C4orf51: variants seen among roughly 807,000 people sequenced by gnomAD.
C4orf51 encodes uncharacterized protein C4orf51.
Under a neutral mutation model 25.2 loss-of-function variants are expected in C4orf51, and 25 were observed. The observed-to-expected ratio is 0.99, with a 90% CI of 0.72 to 1.39. The LOEUF (loss-of-function observed/expected upper bound fraction) is 1.39. C4orf51 is among the 40% of genes most tolerant of loss of function. The pLI is 0.00. For synonymous variants in C4orf51, 100 were observed against 84.5 expected (o/e 1.18, Z -1.01); for missense variants, 252 against 239.6 (o/e 1.05, Z -0.34).
In C4orf51 at chr4:145,761,434, T is replaced by C. The variant is rs1427775685; in HGVS notation, n.167-9554T>C. 2 of 1,289,826 alleles carry C rather than the reference T, an allele frequency of 1.6e-6. No homozygotes were observed. Among genetic ancestry groups the C allele is most frequent in the South Asian group, 1.2e-5 (1 of 81,032 alleles). The allele number at this position is 1,289,826 out of a possible 1,614,324, so 79.9% of individuals were successfully genotyped here. On this transcript the variant is annotated intron_variant and non_coding_transcript_variant, in intron 1 of 1. Transcript: ENST00000510096. This position sits in a 1 kb window ranked among gnomAD's most constrained non-coding sequence, Gnocchi z 6.8. The stretch of plus-strand genomic sequence containing the variant: ...GGACAGGTAGCCGCACTGGTCGCAC[T>C]TGTAGTGGTTGCCCAGGCGGTGCTC...
In C4orf51 at chr4:145,765,242, C is replaced by T; in HGVS notation, n.167-5746C>T. ...GGGCAGGAGTGGAGCCAAGCTCCTC[C>T]CCACTTCCTCCCGCCTCCTCCGACG... is the stretch of plus-strand genomic sequence containing the variant. On this transcript the variant is annotated intron_variant and non_coding_transcript_variant, in intron 1 of 1. Coordinates refer to the C4orf51 transcript ENST00000510096. The surrounding 1 kb of genome is among the most constrained non-coding windows in gnomAD (Gnocchi z 4.7). 3 of 1,434,248 alleles carry T rather than the reference C, an allele frequency of 2.1e-6. No homozygotes were observed. Among genetic ancestry groups the T allele is most frequent in the Non-Finnish European group, 2.8e-6 (3 of 1,072,038 alleles). 88.8% of individuals were successfully genotyped at this position (1,434,248 alleles called of 1,614,324 possible). A position where few individuals can be genotyped will look rare whatever the true frequency, so the allele number is the denominator to read the frequency against.
chr4:145,779,096 A>T, the C4orf51 span, among the ~76,000 whole-genome samples: 2 of 152,216 alleles, frequency 1.3e-5, no homozygotes, highest in African/African-American at 2.4e-5. Context: ...GATGAACTCA[A>T]TACATTTTTT....
At chr4:145,690,405 T>C (rs1729473355) in intron 1 of C4orf51, among the ~76,000 whole-genome samples, 1 of 151,862 alleles carries the variant, frequency 6.6e-6, no homozygotes, top group Admixed American at 6.6e-5. Flanking sequence ...CTCGGGAGGC[T>C]GAGGCAGGAG....
At chr4:145,791,709 A>G in the C4orf51 span, among the ~76,000 whole-genome samples, 1 of 152,312 alleles carries the variant, frequency 6.6e-6, no homozygotes, top group East Asian at 1.9e-4. Context: ...CGAATAGCTA[A>G]GATTTATTTA....
At chr4:145,780,150 C>T in the C4orf51 span, among the ~76,000 whole-genome samples, 3 of 152,108 alleles carry the variant, frequency 2.0e-5, no homozygotes, top group African/African-American at 7.2e-5. Context: ...GAGATCACGC[C>T]ACTGCACTCC....
chr4:145,775,757 A>G, downstream of C4orf51: 1 of 1,612,614 alleles, frequency 6.2e-7, no homozygotes, highest in Non-Finnish European at 8.5e-7. Flanking sequence ...AGTCTGAGAA[A>G]GGCGGACTAG....
rs539481884 is a variant in C4orf51 at position 145,711,673 on chromosome 4, T to C, written c.307+15041T>C. On this transcript the variant is annotated intron_variant, in intron 2 of 5. Coordinates refer to ENST00000438731, the MANE Select transcript of C4orf51 (RefSeq NM_001080531.3). ...TGATCTGCTTTGAGTACACAGATTC[T>C]TTCTTTTGCTTGATCAAGTTAGCTG... Among the ~76,000 whole-genome samples the C allele has an allele frequency of 1.3e-3, 204 of 152,328 alleles. 1 individual carries two copies. The highest frequency in any genetic ancestry group is 1.5e-3 in the Non-Finnish European group (100 of 68,034).
intron 2 of C4orf51, among the ~76,000 whole-genome samples, chr4:145,698,516 C>G (rs1297412042): frequency 6.6e-6 from 1 of 152,104 alleles, no homozygotes; most frequent in Non-Finnish European, 1.5e-5. Context: ...AAAGGAATGT[C>G]TGGGTTTTGA....
intron 1 of C4orf51, among the ~76,000 whole-genome samples, chr4:145,686,704 C>T (rs1303800381): frequency 6.6e-6 from 1 of 152,212 alleles, no homozygotes; most frequent in East Asian, 1.9e-4. Flanking sequence ...CTCCCACCCC[C>T]TTGATAGTCC....
chr4:145,756,205 C>T (rs1040678496), downstream of C4orf51, among the ~76,000 whole-genome samples: 3 of 152,174 alleles, frequency 2.0e-5, no homozygotes, highest in East Asian at 1.9e-4. Context: ...CTCCTGTGAC[C>T]GGTGCGGCAG....
chr4:145,740,240 C>CAAAAAAAAAAAAAAAAAAAAAAAAAAAA (rs60310006), intron 1 of C4orf51, among the ~76,000 whole-genome samples: 1 of 104,832 alleles, frequency 9.5e-6, no homozygotes, highest in African/African-American at 4.1e-5. Context: ...TCCCTTTCTG[C>CAAAAAAAAAAAAAAAAAAAAAAAAAAAA]AAAAAAAAAA....
At chr4:145,730,702 T>TA (rs33942049) in intron 5 of C4orf51, among the ~76,000 whole-genome samples, 143,045 of 149,088 alleles carry the variant, frequency 0.96, 68,653 homozygotes, top group East Asian at 1. Flanking sequence ...TTATGTGTGT[T>TA]AAAAAAAAAA....
chr4:145,682,267 T>C (rs1167902397), intron 1 of C4orf51, among the ~76,000 whole-genome samples: 1 of 152,194 alleles, frequency 6.6e-6, no homozygotes, highest in Non-Finnish European at 1.5e-5. Flanking sequence ...TATTAGAAGC[T>C]AAGAAGAAGC....
chr4:145,734,818 C>G (rs1254207542), downstream of C4orf51, among the ~76,000 whole-genome samples: 1 of 152,196 alleles, frequency 6.6e-6, no homozygotes, highest in Non-Finnish European at 1.5e-5. Context: ...CTGGCCTCCC[C>G]AGATAGGCAT....
intron 2 of C4orf51, among the ~76,000 whole-genome samples, chr4:145,709,969 C>T (rs1731043679): frequency 1.3e-5 from 2 of 152,120 alleles, no homozygotes; most frequent in South Asian, 2.1e-4. Flanking sequence ...ATAAACCATG[C>T]ACAGAGGTTG....
At chr4:145,767,144 G>A (rs1735428930) in intron 1 of C4orf51, among the ~76,000 whole-genome samples, 1 of 152,130 alleles carries the variant, frequency 6.6e-6, no homozygotes, top group Non-Finnish European at 1.5e-5. Flanking sequence ...TCGCAGACAA[G>A]GACATTAAAA....
At chr4:145,744,892 G>A (rs756827922) in intron 1 of C4orf51, among the ~76,000 whole-genome samples, 1 of 151,624 alleles carries the variant, frequency 6.6e-6, no homozygotes, top group Non-Finnish European at 1.5e-5. Context: ...CGAATAGTAT[G>A]GTGATGATCT....
intron 2 of C4orf51, among the ~76,000 whole-genome samples, chr4:145,700,307 G>A (rs943980930): frequency 2.6e-5 from 4 of 151,678 alleles, no homozygotes; most frequent in Admixed American, 1.3e-4. Context: ...CTTTTCTGGA[G>A]GGTAAGAACC....
chr4:145,721,729 C>A (rs910524289), intron 2 of C4orf51, among the ~76,000 whole-genome samples: 10 of 152,130 alleles, frequency 6.6e-5, no homozygotes, highest in Non-Finnish European at 1.5e-5. Context: ...ACTGTGTGCA[C>A]TTTACTGTTC....
Sources: allele counts gnomAD v4.1 joint callset (sites outside exome capture counted in the v4.1 genomes callset), GRCh38; gene constraint gnomAD v4.1.1; non-coding constraint Gnocchi (gnomAD v3.1); transcripts MANE v1.5; gene names NCBI Gene and HGNC (gene_info 2026-07-23, HGNC 2026-07-21).